The following KCNB2 variants were observed in gnomAD, a reference collection of about 807,000 sequenced individuals.
KCNB2 encodes delayed rectifier potassium channel protein.
In KCNB2, 15 loss-of-function variants were observed where a neutral mutation model predicts 61.5. The observed-to-expected ratio is 0.24, with a 90% CI of 0.16 to 0.38. The LOEUF (loss-of-function observed/expected upper bound fraction) is 0.38. Ranked by LOEUF, KCNB2 falls within the 10% of genes least tolerant of loss-of-function variation. The pLI is 1.00. For synonymous variants in KCNB2, 457 were observed against 446.0 expected, an observed-to-expected ratio of 1.02 and a Z score of -0.31; for missense variants, 828 against 1,125.2, an observed-to-expected ratio of 0.74 and a Z score of 3.78.
intron 2 of KCNB2, among the ~76,000 whole-genome samples, chr8:72,893,718 T>C (rs1420693750): frequency 2.0e-5 from 3 of 152,306 alleles, no homozygotes; most frequent in Middle Eastern, 6.8e-3. Flanking sequence ...GACTAGCCAG[T>C]TTCTTTTTTC....
intron 2 of KCNB2, among the ~76,000 whole-genome samples, chr8:72,769,880 A>G (rs1808532079): frequency 6.6e-6 from 1 of 152,174 alleles, no homozygotes; most frequent in Non-Finnish European, 1.5e-5. Flanking sequence ...TTTCCAACCC[A>G]TATTTATGGT....
At chr8:72,838,442 T>A (rs1246116004) in intron 2 of KCNB2, among the ~76,000 whole-genome samples, 2 of 152,234 alleles carry the variant, frequency 1.3e-5, no homozygotes, top group African/African-American at 4.8e-5. Context: ...GGACATGAAC[T>A]CATCCTTTTT....
At chr8:72,860,989 A>G (rs1336131825) in intron 2 of KCNB2, among the ~76,000 whole-genome samples, 1 of 152,234 alleles carries the variant, frequency 6.6e-6, no homozygotes, top group African/African-American at 2.4e-5. Flanking sequence ...AATATAAAGC[A>G]TACTGTAGCT....
At chr8:72,614,102 G>T (rs1463317467) in intron 2 of KCNB2, among the ~76,000 whole-genome samples, 1 of 152,084 alleles carries the variant, frequency 6.6e-6, no homozygotes, top group Non-Finnish European at 1.5e-5. Context: ...AATTAGTTTT[G>T]CTCCTGAAAA....
At chr8:72,645,896 A>T (rs534829105) in intron 2 of KCNB2, among the ~76,000 whole-genome samples, 1 of 152,294 alleles carries the variant, frequency 6.6e-6, no homozygotes. Context: ...TTGATATTTA[A>T]CACATATTCT....
intron 2 of KCNB2, among the ~76,000 whole-genome samples, chr8:72,654,177 T>G (rs2128986684): frequency 6.6e-6 from 1 of 152,292 alleles, no homozygotes; most frequent in South Asian, 2.1e-4. Flanking sequence ...GGGCTCTGAC[T>G]TCAGGTTTCA....
intron 2 of KCNB2, among the ~76,000 whole-genome samples, chr8:72,606,208 A>G (rs1276612954): frequency 1.3e-5 from 2 of 152,184 alleles, no homozygotes; most frequent in Non-Finnish European, 2.9e-5. Context: ...AATTCACAGT[A>G]TTAGGTGTAA....
intron 2 of KCNB2, among the ~76,000 whole-genome samples, chr8:72,912,560 T>C (rs1806318728): frequency 6.7e-6 from 1 of 150,010 alleles, no homozygotes; most frequent in South Asian, 2.1e-4. Context: ...ATATCCTATA[T>C]ATGTAAAAGA....
intron 2 of KCNB2, among the ~76,000 whole-genome samples, chr8:72,647,496 TA>T (rs1355053667): frequency 7.9e-5 from 12 of 152,214 alleles, no homozygotes; most frequent in African/African-American, 2.9e-4. Context: ...CTCAGAGTTA[TA>T]AATATAATAA....
intron 2 of KCNB2, among the ~76,000 whole-genome samples, chr8:72,605,783 G>A (rs1032549593): frequency 6.6e-6 from 1 of 152,098 alleles, no homozygotes; most frequent in Admixed American, 6.6e-5. Flanking sequence ...TGGCAGGTGA[G>A]CATAAATATA....
rs1009795481 is a variant in KCNB2 at position 72,936,768 on chromosome 8, G to A, written c.1413G>A (p.Lys471=). 6.2e-7 allele frequency: 1 copy of A among 1,614,194 alleles called. No homozygotes were observed. The highest frequency in any genetic ancestry group is 8.5e-7 in the Non-Finnish European group (1 of 1,180,026). ...SMELIDVAVE[K]AGESANTKDS... ...AACTGATAGATGTGGCTGTTGAGAA[G>A]GCCGGAGAGTCCGCCAACACAAAGG... is the stretch of plus-strand genomic sequence containing the variant. Residue 471 remains lysine, a synonymous_variant, in exon 3 of 3, where the codon AAG becomes AAA. Coordinates refer to ENST00000523207, the MANE Select transcript of KCNB2 (RefSeq NM_004770.3). This position sits in a 1 kb window ranked among gnomAD's most constrained non-coding sequence, Gnocchi z 5.6.
chr8:72,741,791 A>G (rs1807965016), intron 2 of KCNB2, among the ~76,000 whole-genome samples: 1 of 152,216 alleles, frequency 6.6e-6, no homozygotes, highest in African/African-American at 2.4e-5. Context: ...ACAATGCCAT[A>G]CCACCTTACT....
intron 2 of KCNB2, among the ~76,000 whole-genome samples, chr8:72,721,517 A>T (rs1434875229): frequency 6.6e-6 from 1 of 152,230 alleles, no homozygotes; most frequent in African/African-American, 2.4e-5. Context: ...GACTGGGCTA[A>T]TGTAAGAAAC....
At chr8:72,924,060 A>G (rs571989229) in intron 2 of KCNB2, among the ~76,000 whole-genome samples, 107 of 152,312 alleles carry the variant, frequency 7.0e-4, no homozygotes, top group African/African-American at 2.4e-3. Context: ...AGTAATACAG[A>G]ACCAGGATGA....
intron 2 of KCNB2, among the ~76,000 whole-genome samples, chr8:72,911,040 TGTTCTCA>T (rs576647847): frequency 3.4e-4 from 51 of 151,310 alleles, no homozygotes; most frequent in African/African-American, 1.1e-3. Flanking sequence ...GTGTTTATTC[TGTTCTCA>T]AGGCTTTTTT....
Position 72,540,101 on chromosome 8 carries a change from T to C in KCNB2, c.-94+2216T>C, listed in dbSNP as rs535842441. ...AAAAATATTTTTTCTTGAATGCGTA[T>C]CTGGCATTCTTATATGGTAGAGAGA... On this transcript the variant is annotated intron_variant, in intron 1 of 2. Transcript: ENST00000523207. Among the ~76,000 whole-genome samples the C allele has an allele frequency of 3.9e-5, 6 of 152,326 alleles. No individual in the cohort carries two copies. In the East Asian group the frequency reaches 1.2e-3, roughly 29 times the overall value.
intron 2 of KCNB2, chr8:72,749,243 A>G (rs1293872938): frequency 6.6e-6 from 1 of 152,066 alleles, no homozygotes; most frequent in African/African-American, 2.4e-5. Flanking sequence ...CTCACCCTCC[A>G]GAGTAGCTGG....
At chr8:72,763,362 C>T (rs1045836281) in intron 2 of KCNB2, among the ~76,000 whole-genome samples, 2 of 151,836 alleles carry the variant, frequency 1.3e-5, no homozygotes, top group Non-Finnish European at 2.9e-5. Context: ...AAGGCAATTA[C>T]AACAAGCACC....
chr8:72,755,380 A>T (rs1041961725), intron 2 of KCNB2, among the ~76,000 whole-genome samples: 1 of 152,220 alleles, frequency 6.6e-6, no homozygotes. Flanking sequence ...GAACAAATGT[A>T]CCATATTTTT....
Sources: gnomAD v4.1 joint callset for allele counts (sites outside exome capture counted in the v4.1 genomes callset) on GRCh38, gnomAD v4.1.1 for gene constraint, Gnocchi (gnomAD v3.1) non-coding constraint, MANE v1.5 for transcripts, NCBI Gene and HGNC (gene_info 2026-07-23, HGNC 2026-07-21) for gene names.